The following DTNB variants were observed in gnomAD, a reference collection of about 807,000 sequenced individuals.
DTNB encodes DTN-B.
Under a neutral mutation model 90.7 loss-of-function variants are expected in DTNB, and 63 were observed. That is an observed-to-expected ratio of 0.69 (90% CI 0.57 to 0.86). DTNB has a LOEUF of 0.86. DTNB is among the 40% of genes least tolerant of loss of function. DTNB has a pLI of 0.00. For synonymous variants in DTNB, 277 were observed against 286.7 expected, an observed-to-expected ratio of 0.97 and a Z score of 0.34; for missense variants, 744 against 807.1, an observed-to-expected ratio of 0.92 and a Z score of 0.95.
At chr2:25,487,279 A>C (rs556711027) in intron 9 of DTNB, among the ~76,000 whole-genome samples, 94 of 152,204 alleles carry the variant, frequency 6.2e-4, no homozygotes, top group Non-Finnish European at 1.2e-3. Flanking sequence ...TGCAGATGGA[A>C]ACTATTCAGA....
At chr2:25,615,679 C>A (rs1445440417) in intron 4 of DTNB, among the ~76,000 whole-genome samples, 9 of 152,220 alleles carry the variant, frequency 5.9e-5, no homozygotes, top group Non-Finnish European at 7.3e-5. Context: ...ACCCCTATCA[C>A]TCAGGAAATT....
intron 9 of DTNB, among the ~76,000 whole-genome samples, chr2:25,530,652 T>C (rs2077995880): frequency 6.6e-6 from 1 of 152,156 alleles, no homozygotes; most frequent in East Asian, 1.9e-4. Context: ...AACAGGTATC[T>C]AAATAATTGA....
intron 1 of DTNB, among the ~76,000 whole-genome samples, chr2:25,653,994 C>G (rs2081568182): frequency 1.3e-5 from 2 of 151,886 alleles, no homozygotes; most frequent in Non-Finnish European, 2.9e-5. Flanking sequence ...TCCTTTTTTC[C>G]CCTCATCCTT....
chr2:25,604,495 C>CTTCTA (rs2066643177), intron 5 of DTNB, among the ~76,000 whole-genome samples: 2 of 152,122 alleles, frequency 1.3e-5, no homozygotes, highest in African/African-American at 4.8e-5. Flanking sequence ...CAGCCTCGAA[C>CTTCTA]TTCTAGCCTC....
At chr2:25,461,621 A>G (rs898896220) in intron 10 of DTNB, among the ~76,000 whole-genome samples, 1 of 152,166 alleles carries the variant, frequency 6.6e-6, no homozygotes, top group Non-Finnish European at 1.5e-5. Context: ...AATACCCAAT[A>G]GTTCTAACAG....
At chr2:25,449,093 A>G (rs908201705) in intron 12 of DTNB, among the ~76,000 whole-genome samples, 2 of 152,160 alleles carry the variant, frequency 1.3e-5, no homozygotes, top group African/African-American at 4.8e-5. Context: ...CATAGAAAAA[A>G]ACAGTACGTA....
chr2:25,594,769 A>G (rs1180785974), intron 6 of DTNB: 4 of 152,260 alleles, frequency 2.6e-5, no homozygotes, highest in African/African-American at 9.6e-5. Context: ...TTAACACTGC[A>G]GAAGGATGCT....
chr2:25,628,219 T>C lies in DTNB; in HGVS notation c.314A>G (p.Glu105Gly), dbSNP rs779769149. ...GTTGAGGAGGAGGCTGATAGATTGT[T>C]CCACACTAATTTGGTGAGTAGAAGG... ...RLPSTHQISV[E>G]QSISLLLNFM... Residue 105 changes from glutamate to glycine, a missense_variant, in exon 4 of 21, where the codon GAA (glutamate) becomes GGA (glycine). Glu to Gly is a moderately conservative substitution (Grantham distance 98, BLOSUM62 -2). Transcript: ENST00000406818. The C allele has an allele frequency of 3.1e-6, 5 of 1,613,706 alleles. No homozygotes were observed. The South Asian group carries it at 5.5e-5, about 18-fold the overall frequency.
chr2:25,489,196 C>G (rs2066848302), intron 9 of DTNB, among the ~76,000 whole-genome samples: 1 of 152,134 alleles, frequency 6.6e-6, no homozygotes, highest in South Asian at 2.1e-4. Context: ...ATTAAAATTC[C>G]TACAAAATCT....
intron 10 of DTNB, among the ~76,000 whole-genome samples, chr2:25,463,966 C>G (rs573944046): frequency 6.6e-6 from 1 of 152,208 alleles, no homozygotes; most frequent in Non-Finnish European, 1.5e-5. Context: ...AGTGCAGTGG[C>G]GCAATCTCGG....
chr2:25,665,093 G>A (rs1372376822), intron 1 of DTNB, among the ~76,000 whole-genome samples: 1 of 152,166 alleles, frequency 6.6e-6, no homozygotes, highest in Non-Finnish European at 1.5e-5. Flanking sequence ...CAGAAGTTAC[G>A]TAACTCCCAC....
chr2:25,426,939 G>C (rs2051865717), intron 15 of DTNB, among the ~76,000 whole-genome samples: 1 of 152,196 alleles, frequency 6.6e-6, no homozygotes, highest in Non-Finnish European at 1.5e-5. Flanking sequence ...AATTTGGGAG[G>C]CTGAAGTGGG....
At chr2:25,558,213 T>C (rs1403766795) in intron 8 of DTNB, 3 of 985,304 alleles carry the variant, frequency 3.0e-6, no homozygotes, top group East Asian at 1.1e-4. Flanking sequence ...TAAATTTATT[T>C]AGAGAAAGAG....
chr2:25,609,495 G>T (rs2067930771), intron 4 of DTNB, among the ~76,000 whole-genome samples: 1 of 151,770 alleles, frequency 6.6e-6, no homozygotes, highest in Non-Finnish European at 1.5e-5. Context: ...CTACTCAGAA[G>T]GCTGAGGCAG....
At chr2:25,500,888 C>G (rs528607640) in intron 9 of DTNB, among the ~76,000 whole-genome samples, 2 of 152,348 alleles carry the variant, frequency 1.3e-5, no homozygotes, top group South Asian at 4.1e-4. Flanking sequence ...TGAGCAAGGG[C>G]TGCTTCTCAG....
intron 2 of DTNB, among the ~76,000 whole-genome samples, chr2:25,640,112 C>T (rs1043789918): frequency 2.6e-5 from 4 of 152,082 alleles, no homozygotes; most frequent in Non-Finnish European, 5.9e-5. Context: ...GAGGGGTAAG[C>T]GATATATGGC....
At chr2:25,621,985 T>A (rs1444440574) in intron 4 of DTNB, among the ~76,000 whole-genome samples, 4 of 152,172 alleles carry the variant, frequency 2.6e-5, no homozygotes, top group African/African-American at 4.8e-5. Flanking sequence ...AAGATTTAGA[T>A]GTATTTTACA....
chr2:25,659,633 T>G (rs762728831), intron 1 of DTNB, among the ~76,000 whole-genome samples: 13 of 152,198 alleles, frequency 8.5e-5, no homozygotes, highest in South Asian at 2.1e-4. Context: ...TTCTAATCTA[T>G]ACATATAACA....
intron 16 of DTNB, among the ~76,000 whole-genome samples, chr2:25,414,127 AT>A (rs1405187758): frequency 6.6e-6 from 1 of 151,458 alleles, no homozygotes; most frequent in Non-Finnish European, 1.5e-5. Flanking sequence ...TGATGGGGTT[AT>A]TTTTTTTCCT....
Sources: gnomAD v4.1 joint callset for allele counts (sites outside exome capture counted in the v4.1 genomes callset) on GRCh38, gnomAD v4.1.1 for gene constraint, MANE v1.5 for transcripts, NCBI Gene and HGNC (gene_info 2026-07-23, HGNC 2026-07-21) for gene names.